Variants in FAM149A observed in about 807,000 individuals in gnomAD.
FAM149A encodes family with sequence similarity 149 member A, also known as protein FAM149A.
In FAM149A, 71 loss-of-function variants were observed where a neutral mutation model predicts 78.2. That is an observed-to-expected ratio of 0.91 (90% confidence interval 0.75 to 1.11). The LOEUF is 1.11. FAM149A is among the 50% of genes least tolerant of loss of function. The pLI, the probability that FAM149A is intolerant of heterozygous loss-of-function variation, is 0.00. For synonymous variants in FAM149A, 446 were observed against 410.5 expected (o/e 1.09, Z -1.04); for missense variants, 1,036 against 971.0 (o/e 1.07, Z -0.89).
rs991245801 is a variant in FAM149A, at chr4:186,146,838, A to G, written c.567-2335A>G. On this transcript the variant is annotated intron_variant, in intron 1 of 13. Coordinates refer to ENST00000389354, the MANE Select transcript of FAM149A (RefSeq NM_001367768.3). ...TCCTATGTTTCAGGCATAAACATTC[A>G]GAGTAATTCTGTAGTGAAAATGAGT... 2.4e-5 allele frequency: 24 copies of G among 985,344 alleles called. No homozygotes were observed. The African/African-American group carries it at 3.8e-4, about 16-fold the overall frequency. 61.0% of individuals were successfully genotyped at this position (985,344 alleles called of 1,614,324 possible).
chr4:186,120,650 C>T (rs183768390), intron 1 of FAM149A, among the ~76,000 whole-genome samples: 1,600 of 150,798 alleles, frequency 0.011, 30 homozygotes, highest in African/African-American at 0.037. Context: ...AAAAATTAGC[C>T]AGGCATGGTG....
chr4:186,169,553 G>T lies in FAM149A; in HGVS notation c.2218+2291G>T. 5 of 985,384 alleles carry T rather than the reference G, an allele frequency of 5.1e-6. No homozygotes were observed. The South Asian group carries it at 2.3e-4, about 46-fold the overall frequency. The allele number at this position is 985,384 out of a possible 1,614,324, so 61.0% of individuals were successfully genotyped here. A position where few individuals can be genotyped will look rare whatever the true frequency, so the allele number is the denominator to read the frequency against. On this transcript the variant is annotated intron_variant, in intron 13 of 13. Transcript: ENST00000389354. ...CACTCTGTCAACGTCAGCCCACCAC[G>T]CTGCTCACACAGGGAGTCGCCTCTC...
At position 186,157,499 on chromosome 4, in the gene FAM149A, G is replaced by T; in HGVS notation, c.1421-66G>T. On this transcript the variant is annotated intron_variant, in intron 7 of 13. Transcript: ENST00000389354. ...AGCACACATATTCTCTTTCAAGAGT[G>T]AATTTTAAGTATTTGTATTAGATAA... 2.0e-6 allele frequency: 3 copies of T among 1,511,986 alleles called. No individual in the cohort carries two copies. The South Asian group carries it at 3.5e-5, about 17-fold the overall frequency. The allele number at this position is 1,511,986 out of a possible 1,614,324, so 93.7% of individuals were successfully genotyped here.
chr4:186,127,235 C>A, intron 1 of FAM149A: 1 of 961,206 alleles, frequency 1.0e-6, no homozygotes, highest in Non-Finnish European at 1.2e-6. Context: ...CTATTTTCAC[C>A]CTGCATGCCC....
At chr4:186,131,347 CAAAA>C (rs35861617) in intron 1 of FAM149A, among the ~76,000 whole-genome samples, 3 of 148,760 alleles carry the variant, frequency 2.0e-5, no homozygotes, top group Non-Finnish European at 4.5e-5. Flanking sequence ...GACTCCAACT[CAAAA>C]AAAAAAAGAG....
intron 1 of FAM149A, chr4:186,110,234 C>G: frequency 5.1e-6 from 5 of 985,250 alleles, no homozygotes; most frequent in Non-Finnish European, 6.0e-6. Flanking sequence ...AACCCAGGGG[C>G]AGTTTAAATG....
chr4:186,149,731 C>A (rs1320038961), intron 3 of FAM149A, 27 bp downstream of exon 3: 1 of 1,245,566 alleles, frequency 8.0e-7, no homozygotes, highest in Admixed American at 3.0e-5. Flanking sequence ...TTTGGATAAT[C>A]TTGTAATTAC....
At chr4:186,150,581 G>T (rs77566107) in intron 3 of FAM149A, among the ~76,000 whole-genome samples, 1 of 102,716 alleles carries the variant, frequency 9.7e-6, no homozygotes, top group Non-Finnish European at 2.1e-5. Flanking sequence ...CACCACGCCC[G>T]GCTAATTTTT....
chr4:186,116,805 CATGTT>C, intron 1 of FAM149A: 1 of 975,812 alleles, frequency 1.0e-6, no homozygotes. Context: ...TTAAAGAACA[CATGTT>C]GAGTGTTTTC....
chr4:186,153,987 A>G (rs1733820953), intron 5 of FAM149A, among the ~76,000 whole-genome samples: 1 of 152,196 alleles, frequency 6.6e-6, no homozygotes, highest in Non-Finnish European at 1.5e-5. Context: ...TAATATATAT[A>G]TGGAACACAC....
chr4:186,111,671 G>A, intron 1 of FAM149A, among the ~76,000 whole-genome samples: 1 of 150,730 alleles, frequency 6.6e-6, no homozygotes, highest in Non-Finnish European at 1.5e-5. Flanking sequence ...CCCATTGCTT[G>A]TTTTTCTCAG....
chr4:186,173,240 A>G lies in FAM149A; in HGVS notation c.*1253A>G, dbSNP rs1735627818. 8.8e-6 allele frequency among the ~76,000 whole-genome samples: 1 copy of G among 113,236 alleles called. No individual in the cohort carries two copies. The highest frequency in any genetic ancestry group is 2.2e-5 in the Non-Finnish European group (1 of 44,732). 74.3% of individuals were successfully genotyped at this position (113,236 alleles called of 152,430 possible). ...ACTAGTAGATGTCTGAAATTTTAAA[A>G]GATGTGTTGAGACTAACATTAATGT... On this transcript the variant is annotated 3_prime_UTR_variant, in exon 14 of 14. Transcript: ENST00000389354.
intron 1 of FAM149A, among the ~76,000 whole-genome samples, chr4:186,146,227 T>G (rs1439435869): frequency 6.6e-6 from 1 of 152,164 alleles, no homozygotes; most frequent in Non-Finnish European, 1.5e-5. Flanking sequence ...GTTATTACAC[T>G]GAACTCTGAA....
rs866334956 is a variant in FAM149A, at chr4:186,123,031, A to G, written c.566+17389A>G. Among the ~76,000 whole-genome samples the G allele has an allele frequency of 5.9e-5, 9 of 152,360 alleles. No homozygotes were observed. The Middle Eastern group carries it at 0.01, about 173-fold the overall frequency. On this transcript the variant is annotated intron_variant, in intron 1 of 13. Transcript: ENST00000389354. ...ATAGAGCCTAGAAGGAAAGAAATGA[A>G]TATGTTTAATTTTGTTACAAGGGAA...
intron 1 of FAM149A, among the ~76,000 whole-genome samples, chr4:186,119,467 C>T (rs2099315091): frequency 6.6e-6 from 1 of 152,102 alleles, no homozygotes; most frequent in African/African-American, 2.4e-5. Flanking sequence ...TTGGCAGTGA[C>T]TAGAAAAACA....
chr4:186,149,590 C>T lies in FAM149A; in HGVS notation c.678-3C>T, dbSNP rs1305065628. 2 of 1,289,764 alleles carry T rather than the reference C, an allele frequency of 1.6e-6. No homozygotes were observed. The highest frequency in any genetic ancestry group is 3.0e-5 in the African/African-American group (2 of 65,848). 79.9% of individuals were successfully genotyped at this position (1,289,764 alleles called of 1,614,324 possible). A position where few individuals can be genotyped will look rare whatever the true frequency, so the allele number is the denominator to read the frequency against. ...GCAAATCCTTGTCATCCTTTTCCTCCAGCGGAAGCCATACACCCACGGGAG... is the reference window on the plus strand; with the variant it reads ...GCAAATCCTTGTCATCCTTTTCCTCTAGCGGAAGCCATACACCCACGGGAG... On this transcript the variant is annotated splice_polypyrimidine_tract_variant and splice_region_variant and intron_variant, in intron 2 of 13. Coordinates refer to ENST00000389354, the MANE Select transcript of FAM149A (RefSeq NM_001367768.3).
Position 186,163,561 on chromosome 4 carries a change from C to T in FAM149A, c.1817C>T (p.Ser606Phe). The T allele has an allele frequency of 6.2e-7, 1 of 1,614,194 alleles. No homozygotes were observed. Residue 606 changes from serine (S) to phenylalanine (F), a missense_variant, in exon 10 of 14, where the codon TCT (serine) becomes TTT (phenylalanine). By Grantham distance (155) the Ser-to-Phe change is radical (BLOSUM62 -2). Coordinates refer to ENST00000389354, the MANE Select transcript of FAM149A (RefSeq NM_001367768.3). ...ACACCAGTGCCCTGGAGGCTGCCTT[C>T]TCTTGCTTCAGATTCACAGAGACTA...
In FAM149A at chr4:186,163,511, T is replaced by C. The variant is rs773531265; in HGVS notation, c.1767T>C (p.His589=). Reference sequence around the variant, plus strand: ...GACTGGGACGGGCCTCAGACACTCATGGATTATCACCTTCTGCAAAGAAAA... The same window carrying C: ...GACTGGGACGGGCCTCAGACACTCACGGATTATCACCTTCTGCAAAGAAAA... The change falls in exon 10 of 14, where the codon CAT becomes CAC. Residue 589 remains histidine, a synonymous_variant. Coordinates refer to ENST00000389354, the MANE Select transcript of FAM149A (RefSeq NM_001367768.3). The C allele has an allele frequency of 6.2e-7, 1 of 1,614,150 alleles. No individual in the cohort carries two copies. Among genetic ancestry groups the C allele is most frequent in the Non-Finnish European group, 8.5e-7 (1 of 1,180,022 alleles).
intron 7 of FAM149A, 100 bp from the exon 8 acceptor site, chr4:186,157,464 TG>T (rs1429928439): frequency 1.1e-5 from 14 of 1,219,136 alleles, no homozygotes; most frequent in Non-Finnish European, 1.6e-5. Flanking sequence ...CATGGGCTCG[TG>T]GTAGCTCAAG....
Sources: gnomAD v4.1 joint callset for allele counts (sites outside exome capture counted in the v4.1 genomes callset) on GRCh38, gnomAD v4.1.1 for gene constraint, MANE v1.5 for transcripts, NCBI Gene and HGNC (gene_info 2026-07-23, HGNC 2026-07-21) for gene names.